MCU: variants seen among roughly 807,000 people sequenced by gnomAD.
The protein encoded by MCU is calcium uniporter protein, mitochondrial.
In MCU, 12 loss-of-function variants were observed where a neutral mutation model predicts 45.2. That is an observed-to-expected ratio of 0.27 (90% CI 0.17 to 0.43). The LOEUF (loss-of-function observed/expected upper bound fraction) is 0.43. MCU is among the 20% of genes least tolerant of loss of function. The pLI, the probability that MCU is intolerant of heterozygous loss-of-function variation, is 1.00. For missense variants in MCU, 324 were observed against 436.7 expected, an observed-to-expected ratio of 0.74 and a Z score of 2.30; for synonymous variants, 160 against 165.1, an observed-to-expected ratio of 0.97 and a Z score of 0.24.
chr10:72,744,905 A>C (rs1843392204), intron 1 of MCU, among the ~76,000 whole-genome samples: 1 of 152,058 alleles, frequency 6.6e-6, no homozygotes, highest in South Asian at 2.1e-4. Flanking sequence ...TTGTTTTTTA[A>C]ACCTTTGAAT....
At chr10:72,787,188 T>C (rs1037072097) in intron 1 of MCU, among the ~76,000 whole-genome samples, 1 of 152,266 alleles carries the variant, frequency 6.6e-6, no homozygotes, top group South Asian at 2.1e-4. Context: ...CCACGAAGCC[T>C]TCTCTGGCCA....
chr10:72,725,344 C>T (rs4329597), intron 1 of MCU, among the ~76,000 whole-genome samples: 152,268 of 152,268 alleles, frequency 1, 76,134 homozygotes, highest in Non-Finnish European at 1. Flanking sequence ...GCCAGGATAG[C>T]CTCGATCTCC....
At chr10:72,712,686 GTAGT>G (rs1395584700) in intron 1 of MCU, among the ~76,000 whole-genome samples, 1 of 152,164 alleles carries the variant, frequency 6.6e-6, no homozygotes, top group African/African-American at 2.4e-5. Flanking sequence ...TTTGAGACAG[GTAGT>G]TGGTGTGAAA....
At chr10:72,730,307 C>CTTT (rs1221272053) in intron 1 of MCU, among the ~76,000 whole-genome samples, 15 of 124,218 alleles carry the variant, frequency 1.2e-4, no homozygotes, top group Non-Finnish European at 1.5e-4. Context: ...CTTTCTTTTT[C>CTTT]TTTTTTTTTT....
intron 1 of MCU, among the ~76,000 whole-genome samples, chr10:72,823,636 T>C (rs943465614): frequency 6.6e-6 from 1 of 152,228 alleles, no homozygotes; most frequent in Non-Finnish European, 1.5e-5. Flanking sequence ...AGTTACACCT[T>C]GGCATGGCTT....
chr10:72,757,024 A>G (rs913983083), intron 1 of MCU: 1 of 152,090 alleles, frequency 6.6e-6, no homozygotes, highest in African/African-American at 2.4e-5. Flanking sequence ...GGAAAAAAAA[A>G]AAAAAGAAAA....
chr10:72,757,447 T>C (rs1375345481), intron 1 of MCU, among the ~76,000 whole-genome samples: 1 of 152,168 alleles, frequency 6.6e-6, no homozygotes, highest in Non-Finnish European at 1.5e-5. Context: ...CCAAAGAACA[T>C]ACAGAAAGCT....
chr10:72,749,942 C>CTT (rs761722638), intron 1 of MCU, among the ~76,000 whole-genome samples: 23 of 139,234 alleles, frequency 1.7e-4, no homozygotes, highest in South Asian at 2.3e-4. Flanking sequence ...AATTTTTGTA[C>CTT]TTTTTTTTTT....
intron 1 of MCU, among the ~76,000 whole-genome samples, chr10:72,698,312 C>G (rs1164302419): frequency 6.6e-6 from 1 of 152,154 alleles, no homozygotes; most frequent in Non-Finnish European, 1.5e-5. Context: ...ATGAAATGCT[C>G]TTTTATTTCA....
In MCU at chr10:72,786,566, C is replaced by T. The variant is rs865848800; in HGVS notation, c.151-47793C>T. ...TTCGAGACCAGACTGGTCAACATGG[C>T]GAAACCCCGTCTCTACCAAAAATAC... On this transcript the variant is annotated intron_variant, in intron 1 of 7. Transcript: ENST00000373053. Among the ~76,000 whole-genome samples, 8 of 151,840 alleles carry T rather than the reference C, an allele frequency of 5.3e-5. No homozygotes were observed. In the South Asian group the frequency reaches 6.2e-4, roughly 12 times the overall value.
At chr10:72,692,447 G>A in intron 1 of MCU, 146 bp downstream of exon 1, 3 of 495,520 alleles carry the variant, frequency 6.1e-6, no homozygotes, top group Non-Finnish European at 7.7e-6. Context: ...GAGCCGCCGT[G>A]CCCTTCAGGC....
chr10:72,864,194 G>T (rs188902795), intron 4 of MCU, among the ~76,000 whole-genome samples: 22 of 152,272 alleles, frequency 1.4e-4, no homozygotes, highest in Non-Finnish European at 3.1e-4. Flanking sequence ...AAAATGCTGT[G>T]TGGTGCTAAT....
In MCU at chr10:72,743,344, C is replaced by T. The variant is rs1843362057; in HGVS notation, c.150+51043C>T. On this transcript the variant is annotated intron_variant, in intron 1 of 7. Transcript: ENST00000373053. ...AGGAGAATCACTTGAACCTGGGAGG[C>T]AGAGGCTGCAGTGAGCCGATATTGT... Among the ~76,000 whole-genome samples the T allele has an allele frequency of 3.0e-5, 4 of 133,736 alleles. No homozygotes were observed. The Admixed American group carries it at 3.7e-4, about 12-fold the overall frequency. 87.7% of individuals were successfully genotyped at this position (133,736 alleles called of 152,430 possible).
At chr10:72,842,818 ATAATT>A (rs1358175257) in intron 2 of MCU, among the ~76,000 whole-genome samples, 1 of 150,440 alleles carries the variant, frequency 6.6e-6, no homozygotes, top group Non-Finnish European at 1.5e-5. Flanking sequence ...TTGGAATAAA[ATAATT>A]TATTTTATAA....
At chr10:72,827,643 T>C (rs1169193640) in intron 1 of MCU, among the ~76,000 whole-genome samples, 1 of 152,218 alleles carries the variant, frequency 6.6e-6, no homozygotes, top group Non-Finnish European at 1.5e-5. Context: ...GTTGAGTCAA[T>C]CTCTTATGGA....
intron 1 of MCU, among the ~76,000 whole-genome samples, chr10:72,824,022 G>A (rs761490645): frequency 1.5e-4 from 23 of 152,096 alleles, no homozygotes; most frequent in African/African-American, 2.4e-4. Flanking sequence ...CTGCACTCCA[G>A]CCTTGATGGC....
intron 1 of MCU, among the ~76,000 whole-genome samples, chr10:72,700,938 G>A (rs1248211946): frequency 6.6e-6 from 1 of 152,176 alleles, no homozygotes; most frequent in African/African-American, 2.4e-5. Flanking sequence ...GAGTCCATTA[G>A]GTGTTTGAGA....
chr10:72,874,134 A>T, intron 6 of MCU, among the ~76,000 whole-genome samples: 2 of 152,138 alleles, frequency 1.3e-5, no homozygotes, highest in Non-Finnish European at 2.9e-5. Context: ...ATTTCTGTGA[A>T]GAGTATAATT....
At chr10:72,782,329 C>T (rs1844006854) in intron 1 of MCU, among the ~76,000 whole-genome samples, 1 of 152,040 alleles carries the variant, frequency 6.6e-6, no homozygotes, top group African/African-American at 2.4e-5. Flanking sequence ...TATTCTTTTC[C>T]GTTTTTCTAA....
Sources: allele counts gnomAD v4.1 joint callset (sites outside exome capture counted in the v4.1 genomes callset), GRCh38; gene constraint gnomAD v4.1.1; transcripts MANE v1.5; gene names NCBI Gene and HGNC (gene_info 2026-07-23, HGNC 2026-07-21).